The following GRIA4 variants were observed in gnomAD, a reference collection of about 807,000 sequenced individuals.
GRIA4 encodes glutamate receptor 4.
GRIA4 carries 34 observed loss-of-function variants against 104.0 expected under a neutral mutation model. That is an observed-to-expected ratio of 0.33 (90% CI 0.25 to 0.44). The LOEUF (loss-of-function observed/expected upper bound fraction) is 0.44. Among genes scored for constraint, GRIA4 ranks in the 20% least tolerant of loss-of-function variants. GRIA4 has a pLI of 1.00. For missense variants in GRIA4, 750 were observed against 1,096.5 expected, an observed-to-expected ratio of 0.68 and a Z score of 4.46; for synonymous variants, 386 against 381.9, an observed-to-expected ratio of 1.01 and a Z score of -0.13.
chr11:105,879,657 A>G (rs1945973289), intron 5 of GRIA4, among the ~76,000 whole-genome samples: 1 of 152,172 alleles, frequency 6.6e-6, no homozygotes, highest in South Asian at 2.1e-4. Flanking sequence ...AATTAGGAGT[A>G]CTTTGTATAT....
chr11:105,776,727 T>A (rs1339057726), intron 4 of GRIA4, among the ~76,000 whole-genome samples: 2 of 152,128 alleles, frequency 1.3e-5, no homozygotes, highest in Non-Finnish European at 2.9e-5. Context: ...CTGCATTTAG[T>A]GTTGCATCTC....
chr11:105,777,623 T>C (rs1385523426), intron 4 of GRIA4, among the ~76,000 whole-genome samples: 1 of 152,192 alleles, frequency 6.6e-6, no homozygotes, highest in Non-Finnish European at 1.5e-5. Context: ...ATATCTTTTC[T>C]ATAAAAAATT....
intron 3 of GRIA4, among the ~76,000 whole-genome samples, chr11:105,701,986 G>A (rs920158572): frequency 6.6e-6 from 1 of 152,066 alleles, no homozygotes; most frequent in African/African-American, 2.4e-5. Flanking sequence ...CCAGACTGGA[G>A]TGCAGCGTTG....
intron 4 of GRIA4, among the ~76,000 whole-genome samples, chr11:105,810,680 T>C (rs906940747): frequency 2.0e-5 from 3 of 152,114 alleles, no homozygotes; most frequent in Non-Finnish European, 4.4e-5. Context: ...CCGACCTTCC[T>C]CCTGAGATAC....
At chr11:105,817,881 A>G (rs891202268) in intron 4 of GRIA4, among the ~76,000 whole-genome samples, 1 of 152,198 alleles carries the variant, frequency 6.6e-6, no homozygotes, top group Non-Finnish European at 1.5e-5. Flanking sequence ...AAGGACATGC[A>G]TCAGAAATTA....
At chr11:105,752,481 A>C (rs1940060623) in intron 3 of GRIA4, among the ~76,000 whole-genome samples, 1 of 152,226 alleles carries the variant, frequency 6.6e-6, no homozygotes, top group Non-Finnish European at 1.5e-5. Flanking sequence ...AGGCGGAGTG[A>C]AAACTATAAT....
In GRIA4 at chr11:105,714,853, G is replaced by C. The variant is rs1049589285; in HGVS notation, c.248-38128G>C. ...TGTGTGTGTTCTGGCTGTTTCTGCA[G>C]GTGTCTCTGAGAGACTTCGATTAGT... On this transcript the variant is annotated intron_variant, in intron 3 of 16. Coordinates refer to ENST00000282499, the MANE Select transcript of GRIA4 (RefSeq NM_000829.4). 2.0e-5 allele frequency among the ~76,000 whole-genome samples: 3 copies of C among 151,826 alleles called. 1 individual carries two copies. Among genetic ancestry groups the C allele is most frequent in the Non-Finnish European group, 2.9e-5 (2 of 67,942 alleles).
At chr11:105,715,641 T>C (rs1281743501) in intron 3 of GRIA4, among the ~76,000 whole-genome samples, 1 of 152,198 alleles carries the variant, frequency 6.6e-6, no homozygotes, top group Non-Finnish European at 1.5e-5. Flanking sequence ...TTAAAGAATG[T>C]AATTCTGTAC....
chr11:105,753,931 A>G lies in GRIA4; in HGVS notation c.487+711A>G, dbSNP rs187458735. Among the ~76,000 whole-genome samples the G allele has an allele frequency of 3.0e-3, 461 of 152,280 alleles. 2 individuals are homozygous for G. The highest frequency in any genetic ancestry group is 4.7e-3 in the Non-Finnish European group (320 of 68,016). ...CTTCCCAGGTGAGCCACCCTCCAGG[A>G]ATCTCCTCATGTTCAGCCATCCGGA... On this transcript the variant is annotated intron_variant, in intron 4 of 16. Coordinates refer to ENST00000282499, the MANE Select transcript of GRIA4 (RefSeq NM_000829.4).
intron 3 of GRIA4, among the ~76,000 whole-genome samples, chr11:105,648,486 C>T (rs1951593655): frequency 6.6e-6 from 1 of 151,016 alleles, no homozygotes; most frequent in Admixed American, 6.6e-5. Flanking sequence ...CTAAAGTTTA[C>T]ACAACCAATT....
intron 3 of GRIA4, among the ~76,000 whole-genome samples, chr11:105,682,988 A>T (rs1213896556): frequency 6.6e-6 from 1 of 152,176 alleles, no homozygotes; most frequent in Non-Finnish European, 1.5e-5. Context: ...AGGGGAAAAA[A>T]ACTATCCTCT....
chr11:105,973,826 C>G (rs1858826923), intron 15 of GRIA4, among the ~76,000 whole-genome samples: 1 of 152,092 alleles, frequency 6.6e-6, no homozygotes. Flanking sequence ...TCAACAACTC[C>G]TTAGTTGCTC....
intron 5 of GRIA4, among the ~76,000 whole-genome samples, chr11:105,882,497 C>A (rs1946103474): frequency 6.6e-6 from 1 of 152,170 alleles, no homozygotes; most frequent in Non-Finnish European, 1.5e-5. Flanking sequence ...TTGCAAGTCT[C>A]AAATTGACCT....
In GRIA4 at chr11:105,804,659, T is replaced by C. The variant is rs142894433; in HGVS notation, c.487+51439T>C. On this transcript the variant is annotated intron_variant, in intron 4 of 16. Transcript: ENST00000282499. Reference sequence around the variant, plus strand: ...GGAAAAATTATTATAAAAATAAATTTATTTTATATGGATGATTGCACAATT... The same window carrying C: ...GGAAAAATTATTATAAAAATAAATTCATTTTATATGGATGATTGCACAATT... 3.4e-4 allele frequency among the ~76,000 whole-genome samples: 52 copies of C among 152,106 alleles called. No homozygotes were observed. In the East Asian group the frequency reaches 6.6e-3, roughly 19 times the overall value.
At chr11:105,897,402 T>C (rs1333741052) in intron 6 of GRIA4, among the ~76,000 whole-genome samples, 1 of 152,032 alleles carries the variant, frequency 6.6e-6, no homozygotes, top group Admixed American at 6.5e-5. Flanking sequence ...AATGCCTTTT[T>C]TTCTCTTTTC....
intron 6 of GRIA4, among the ~76,000 whole-genome samples, chr11:105,890,762 T>C (rs1317087388): frequency 1.3e-5 from 2 of 152,206 alleles, no homozygotes; most frequent in African/African-American, 4.8e-5. Context: ...TGATATCTAA[T>C]TGAATGGGCA....
At chr11:105,720,200 T>C (rs753769228) in intron 3 of GRIA4, among the ~76,000 whole-genome samples, 3 of 151,854 alleles carry the variant, frequency 2.0e-5, no homozygotes, top group African/African-American at 7.3e-5. Context: ...TAAAATTTCA[T>C]GTTTTTTTTC....
At chr11:105,916,430 C>G (rs1226265570) in intron 10 of GRIA4, among the ~76,000 whole-genome samples, 1 of 152,114 alleles carries the variant, frequency 6.6e-6, no homozygotes, top group Non-Finnish European at 1.5e-5. Context: ...TTGTTTTTCA[C>G]TGCTATATTT....
At chr11:105,688,324 C>T (rs1235997217) in intron 3 of GRIA4, among the ~76,000 whole-genome samples, 5 of 151,980 alleles carry the variant, frequency 3.3e-5, no homozygotes, top group African/African-American at 7.3e-5. Context: ...TTTGGGAGGC[C>T]GAGGCGGGTG....
Sources: allele counts gnomAD v4.1 joint callset (sites outside exome capture counted in the v4.1 genomes callset), GRCh38; gene constraint gnomAD v4.1.1; transcripts MANE v1.5; gene names NCBI Gene and HGNC (gene_info 2026-07-23, HGNC 2026-07-21).